Variants in MCC observed in about 807,000 individuals in gnomAD.
The protein encoded by MCC is colorectal mutant cancer protein.
In MCC, 90 loss-of-function variants were observed where a neutral mutation model predicts 116.2. That is an observed-to-expected ratio of 0.77 (90% CI 0.65 to 0.92). The LOEUF is 0.92. MCC is among the 40% of genes least tolerant of loss of function. MCC has a pLI of 0.00. For synonymous variants in MCC, 578 were observed against 510.5 expected (o/e 1.13, Z -1.78); for missense variants, 1,516 against 1,312.2 (o/e 1.16, Z -2.40).
intron 3 of MCC, among the ~76,000 whole-genome samples, chr5:113,214,116 A>G (rs1407988376): frequency 2.0e-5 from 3 of 152,174 alleles, no homozygotes; most frequent in African/African-American, 7.2e-5. Context: ...GTCACGCACA[A>G]TGGTGTGAAT....
intron 3 of MCC, among the ~76,000 whole-genome samples, chr5:113,236,471 T>C (rs1329385760): frequency 6.6e-6 from 1 of 152,188 alleles, no homozygotes; most frequent in Non-Finnish European, 1.5e-5. Flanking sequence ...ACTTTGGACA[T>C]GTTACTTAAA....
At chr5:113,274,831 A>T (rs1765763870) in intron 3 of MCC, among the ~76,000 whole-genome samples, 1 of 151,992 alleles carries the variant, frequency 6.6e-6, no homozygotes, top group South Asian at 2.1e-4. Context: ...CCCACAATCA[A>T]CTCTTTCTAT....
At chr5:113,307,488 T>C (rs1421485609) in intron 3 of MCC, among the ~76,000 whole-genome samples, 1 of 152,254 alleles carries the variant, frequency 6.6e-6, no homozygotes, top group East Asian at 1.9e-4. Flanking sequence ...TTTTGCACAT[T>C]GATCTTGTAT....
At chr5:113,192,415 T>C (rs1005377733) in intron 3 of MCC, among the ~76,000 whole-genome samples, 3 of 152,232 alleles carry the variant, frequency 2.0e-5, no homozygotes, top group African/African-American at 7.2e-5. Context: ...TGGGATTACA[T>C]ATTGTCTGTA....
intron 1 of MCC, among the ~76,000 whole-genome samples, chr5:113,405,348 G>T: frequency 6.6e-6 from 1 of 152,236 alleles, no homozygotes; most frequent in East Asian, 1.9e-4. Context: ...TATGTAATAA[G>T]AGCATCAGTA....
At chr5:113,084,533 G>A (rs904201956) in intron 9 of MCC, among the ~76,000 whole-genome samples, 1 of 152,252 alleles carries the variant, frequency 6.6e-6, no homozygotes, top group Non-Finnish European at 1.5e-5. Flanking sequence ...CCTGGAGGAT[G>A]AAATCACTTC....
intron 3 of MCC, among the ~76,000 whole-genome samples, chr5:113,326,710 C>A (rs1037200395): frequency 1.1e-4 from 17 of 152,154 alleles, no homozygotes; most frequent in African/African-American, 4.1e-4. Flanking sequence ...TTCAGTCATT[C>A]TTAACACTCT....
Position 113,029,153 on chromosome 5 carries a change from C to T in MCC, c.2757-97G>A, listed in dbSNP as rs116236722. On this transcript the variant is annotated intron_variant, in intron 17 of 18. Transcript: ENST00000408903. ...TGGTGACAGAAAGAGGAAGGTTTAG[C>T]TTGCAAAGCCTAAAGGCAAGGGAGA... 4.5e-3 allele frequency: 5,638 copies of T among 1,262,746 alleles called. 186 individuals carry two copies. In the African/African-American group the frequency reaches 0.073, roughly 16 times the overall value. 78.2% of individuals were successfully genotyped at this position (1,262,746 alleles called of 1,614,324 possible).
At chr5:113,117,704 TG>T (rs1757474260) in intron 6 of MCC, among the ~76,000 whole-genome samples, 1 of 152,152 alleles carries the variant, frequency 6.6e-6, no homozygotes, top group Admixed American at 6.5e-5. Context: ...GTGGGGAAAA[TG>T]GTCCACAGGA....
intron 4 of MCC, among the ~76,000 whole-genome samples, chr5:113,148,568 C>T (rs1381632450): frequency 1.3e-5 from 2 of 152,186 alleles, no homozygotes; most frequent in Non-Finnish European, 1.5e-5. Flanking sequence ...AGCCACACAG[C>T]GTAAGTTTAC....
chr5:113,154,919 T>G lies in MCC; in HGVS notation c.628-3497A>C, dbSNP rs537958183. On this transcript the variant is annotated intron_variant, in intron 3 of 18. Coordinates refer to ENST00000408903, the MANE Select transcript of MCC (RefSeq NM_001085377.2). Reference sequence around the variant, plus strand: ...GAACATTTCAAATCTCTTCTAGCTATTCTGAAATATACATTATTGCCAGCT... The same window carrying G: ...GAACATTTCAAATCTCTTCTAGCTAGTCTGAAATATACATTATTGCCAGCT... Among the ~76,000 whole-genome samples, 383 of 152,300 alleles carry G rather than the reference T, an allele frequency of 2.5e-3. 2 individuals carry two copies. The highest frequency in any genetic ancestry group is 0.011 in the South Asian group (53 of 4,820).
intron 3 of MCC, among the ~76,000 whole-genome samples, chr5:113,311,569 A>G (rs1253416600): frequency 1.3e-5 from 2 of 152,196 alleles, no homozygotes; most frequent in South Asian, 2.1e-4. Context: ...ACTGACCCCA[A>G]ATACATGAGC....
chr5:113,103,951 G>T (rs1756579316), intron 7 of MCC, among the ~76,000 whole-genome samples: 2 of 152,180 alleles, frequency 1.3e-5, no homozygotes, highest in Non-Finnish European at 2.9e-5. Flanking sequence ...CAAGTAAATT[G>T]TCCTTTTTAC....
intron 3 of MCC, among the ~76,000 whole-genome samples, chr5:113,329,978 A>C (rs933260670): frequency 5.3e-5 from 8 of 152,240 alleles, no homozygotes; most frequent in Non-Finnish European, 1.0e-4. Flanking sequence ...CTGTCAAACT[A>C]AATTTGGCCT....
intron 1 of MCC, among the ~76,000 whole-genome samples, chr5:113,443,876 T>C (rs1400467372): frequency 6.6e-6 from 1 of 152,078 alleles, no homozygotes; most frequent in Non-Finnish European, 1.5e-5. Context: ...CAGGCTGGAG[T>C]GCAGTGGCAT....
In MCC at chr5:113,049,137, A is replaced by T; in HGVS notation, c.2611T>A (p.Ser871Thr). 6.2e-7 allele frequency: 1 copy of T among 1,614,164 alleles called. No individual in the cohort carries two copies. The highest frequency in any genetic ancestry group is 8.5e-7 in the Non-Finnish European group (1 of 1,180,024). The change falls in exon 16 of 19, where the codon TCC becomes ACC. Residue 871 changes from serine (S) to threonine (T), a missense_variant. Transcript: ENST00000408903. Reference sequence around the variant, plus strand: ...CTGCCGCTGCTGGTGGAGCTGAGGGATCGCATCCGCTGCTCCTTCTGCTCC... The same window carrying T: ...CTGCCGCTGCTGGTGGAGCTGAGGGTTCGCATCCGCTGCTCCTTCTGCTCC... ...VEEQKEQRMR[S>T]LSSTSSGSKD...
At chr5:113,090,331 A>G (rs183084150) in intron 8 of MCC, among the ~76,000 whole-genome samples, 1 of 148,960 alleles carries the variant, frequency 6.7e-6, no homozygotes. Flanking sequence ...CAGAAATGAG[A>G]AAGGAGGCTG....
intron 3 of MCC, chr5:113,294,282 A>C (rs754420208): frequency 6.8e-6 from 11 of 1,612,606 alleles, no homozygotes; most frequent in Non-Finnish European, 9.3e-6. Flanking sequence ...TTTGTGGAAA[A>C]GCAAACGCCC....
chr5:113,076,039 G>C (rs535697337), intron 11 of MCC, among the ~76,000 whole-genome samples: 61 of 152,264 alleles, frequency 4.0e-4, no homozygotes, highest in African/African-American at 1.4e-3. Context: ...CTGAACATCA[G>C]AAGGAACAAA....
Sources: allele counts gnomAD v4.1 joint callset (sites outside exome capture counted in the v4.1 genomes callset), GRCh38; gene constraint gnomAD v4.1.1; transcripts MANE v1.5; gene names NCBI Gene and HGNC (gene_info 2026-07-23, HGNC 2026-07-21).